TWSG1: variants seen among roughly 807,000 people sequenced by gnomAD.
TWSG1 encodes twisted gastrulation BMP signaling modulator 1.
A neutral mutation model predicts 23.0 loss-of-function variants in TWSG1; 15 were observed. The observed-to-expected ratio is 0.65, with a 90% CI of 0.44 to 1.00. TWSG1 has a LOEUF of 1.00. TWSG1 is among the 50% of genes least tolerant of loss of function. The probability of loss-of-function intolerance (pLI) is 0.00; values close to 1 mark genes in which losing one functional copy is unlikely to be tolerated. For missense variants in TWSG1, 242 were observed against 278.7 expected (o/e 0.87, Z 0.94); for synonymous variants, 86 against 92.8 (o/e 0.93, Z 0.42).
intron 2 of TWSG1, among the ~76,000 whole-genome samples, chr18:9,339,586 C>T (rs1016056819): frequency 7.2e-5 from 11 of 152,072 alleles, no homozygotes; most frequent in African/African-American, 2.7e-4. Context: ...CTCCCAAGTG[C>T]TGGGATTACA....
intron 2 of TWSG1, among the ~76,000 whole-genome samples, chr18:9,347,280 A>C (rs2040481642): frequency 2.6e-5 from 4 of 152,140 alleles, no homozygotes; most frequent in Admixed American, 2.0e-4. Context: ...TTGTCATCTG[A>C]TTCTTTGGAG....
Position 9,399,342 on chromosome 18 carries a change from T to C in TWSG1, c.491-4T>C. ...CCCTGAAATCTTAAATTTTTGTTTT[T>C]CAGAACACATGTGTACTGTGGTTTA... On this transcript the variant is annotated splice_region_variant and splice_polypyrimidine_tract_variant and intron_variant, in intron 4 of 4. Transcript: ENST00000262120. The C allele has an allele frequency of 6.4e-7, 1 of 1,555,296 alleles. No homozygotes were observed. Among genetic ancestry groups the C allele is most frequent in the South Asian group, 1.2e-5 (1 of 83,494 alleles).
At position 9,360,056 on chromosome 18, in the gene TWSG1, T is replaced by C; in HGVS notation, c.208T>C (p.Cys70Arg). The stretch of plus-strand genomic sequence containing the variant: ...GTGTCTTGGGGCCCTTTGGGACGAG[T>C]GCTGTGACTGTGTTGGTAAGTTGAT... Reference protein sequence around the residue: ...MLCLGALWDECCDCVGMCNPR... With the variant: ...MLCLGALWDERCDCVGMCNPR... The change falls in exon 3 of 5, where the codon TGC becomes CGC. Residue 70 changes from cysteine (C) to arginine (R), a missense_variant. Physicochemically the swap from Cys to Arg is radical, Grantham distance 180. Coordinates refer to ENST00000262120, the MANE Select transcript of TWSG1 (RefSeq NM_020648.6). 1 of 1,613,272 alleles carries C rather than the reference T, an allele frequency of 6.2e-7. No homozygotes were observed. Among genetic ancestry groups the C allele is most frequent in the Non-Finnish European group, 8.5e-7 (1 of 1,179,480 alleles).
At chr18:9,360,333 G>A (rs1443599) in intron 3 of TWSG1, among the ~76,000 whole-genome samples, 117,880 of 152,112 alleles carry the variant, frequency 0.77, 45,802 homozygotes, top group Middle Eastern at 0.82. Context: ...GAAAGTTTTT[G>A]TACTGTTGAA....
intron 3 of TWSG1, among the ~76,000 whole-genome samples, chr18:9,364,024 T>A (rs1191748445): frequency 6.6e-6 from 1 of 152,250 alleles, no homozygotes; most frequent in Non-Finnish European, 1.5e-5. Flanking sequence ...TTTACTCAAA[T>A]CAAGATCCAA....
At chr18:9,342,761 T>A (rs566983584) in intron 2 of TWSG1, among the ~76,000 whole-genome samples, 1 of 152,280 alleles carries the variant, frequency 6.6e-6, no homozygotes, top group South Asian at 2.1e-4. Flanking sequence ...GGATTTCGTA[T>A]CTTGTTGTTT....
At chr18:9,397,729 G>C (rs1190563185) in intron 4 of TWSG1, among the ~76,000 whole-genome samples, 1 of 152,136 alleles carries the variant, frequency 6.6e-6, no homozygotes, top group East Asian at 1.9e-4. Flanking sequence ...GTGCGGGCTG[G>C]GTGCGGTGGC....
chr18:9,397,934 G>T (rs1369492051), intron 4 of TWSG1, among the ~76,000 whole-genome samples: 2 of 151,084 alleles, frequency 1.3e-5, no homozygotes, highest in African/African-American at 2.4e-5. Flanking sequence ...AGCCTGGGAG[G>T]TGGAGGTTGC....
intron 3 of TWSG1, among the ~76,000 whole-genome samples, chr18:9,388,616 T>C (rs2040696689): frequency 6.6e-6 from 1 of 152,242 alleles, no homozygotes; most frequent in South Asian, 2.1e-4. Flanking sequence ...TGCAGTATAT[T>C]GAGATTTAAT....
intron 3 of TWSG1, among the ~76,000 whole-genome samples, chr18:9,385,583 G>C (rs2040678381): frequency 1.1e-5 from 1 of 93,312 alleles, no homozygotes; most frequent in Admixed American, 1.1e-4. Context: ...CAGCTACTCG[G>C]GAGGCTGAGG....
chr18:9,352,965 A>G (rs1598823206), intron 2 of TWSG1, among the ~76,000 whole-genome samples: 1 of 152,350 alleles, frequency 6.6e-6, no homozygotes, highest in East Asian at 1.9e-4. Context: ...CAGACAACAT[A>G]TATGATGGTG....
chr18:9,356,339 C>G (rs1265947556), intron 2 of TWSG1, among the ~76,000 whole-genome samples: 4 of 152,086 alleles, frequency 2.6e-5, no homozygotes, highest in Non-Finnish European at 5.9e-5. Context: ...TTAAATAGGC[C>G]GTTAGTTTTA....
At chr18:9,369,877 A>G (rs2040596694) in intron 3 of TWSG1, among the ~76,000 whole-genome samples, 1 of 152,130 alleles carries the variant, frequency 6.6e-6, no homozygotes, top group South Asian at 2.1e-4. Flanking sequence ...TATCAAATGT[A>G]TGGTTTGCAA....
intron 2 of TWSG1, among the ~76,000 whole-genome samples, chr18:9,359,464 G>A (rs2040542149): frequency 6.6e-6 from 1 of 152,204 alleles, no homozygotes; most frequent in Admixed American, 6.5e-5. Context: ...ATTGCAAAGA[G>A]GGGAGACCTA....
chr18:9,393,634 T>C (rs2040721937), intron 3 of TWSG1, among the ~76,000 whole-genome samples: 1 of 152,226 alleles, frequency 6.6e-6, no homozygotes, highest in South Asian at 2.1e-4. Context: ...CATAGTTCAC[T>C]GCAACCTTGA....
At chr18:9,385,040 G>T (rs1167845128) in intron 3 of TWSG1, among the ~76,000 whole-genome samples, 1 of 152,114 alleles carries the variant, frequency 6.6e-6, no homozygotes, top group African/African-American at 2.4e-5. Flanking sequence ...TGACCTTTCC[G>T]GCTAAACCCC....
At chr18:9,372,934 G>C (rs1246769745) in intron 3 of TWSG1, among the ~76,000 whole-genome samples, 2 of 152,108 alleles carry the variant, frequency 1.3e-5, no homozygotes, top group East Asian at 3.9e-4. Flanking sequence ...GAACATCAGT[G>C]GTCTAAATGC....
intron 2 of TWSG1, among the ~76,000 whole-genome samples, chr18:9,343,430 T>C (rs191036318): frequency 6.6e-6 from 1 of 151,960 alleles, no homozygotes; most frequent in Non-Finnish European, 1.5e-5. Flanking sequence ...TATTGAGATA[T>C]ATGATTCATA....
At position 9,351,118 on chromosome 18, in the gene TWSG1, A is replaced by G. The variant is rs191588595; in HGVS notation, c.124-8854A>G. ...AAATACTTAGTTTCCTTAATTTAAG[A>G]ACCTCAGTTTGTGTTTTTAAATATC... On this transcript the variant is annotated intron_variant, in intron 2 of 4. Coordinates refer to ENST00000262120, the MANE Select transcript of TWSG1 (RefSeq NM_020648.6). 2.7e-3 allele frequency among the ~76,000 whole-genome samples: 415 copies of G among 152,236 alleles called. 2 individuals are homozygous for G. Among genetic ancestry groups the G allele is most frequent in the African/African-American group, 8.5e-3 (353 of 41,584 alleles).
Sources: gnomAD v4.1 joint callset for allele counts (sites outside exome capture counted in the v4.1 genomes callset) on GRCh38, gnomAD v4.1.1 for gene constraint, MANE v1.5 for transcripts, NCBI Gene and HGNC (gene_info 2026-07-23, HGNC 2026-07-21) for gene names.